The following TAFA4 variants were observed in gnomAD, a reference collection of about 807,000 sequenced individuals.
The protein encoded by TAFA4 is chemokine-like protein TAFA-4.
In TAFA4, 20 loss-of-function variants were observed where a neutral mutation model predicts 21.1. The observed-to-expected ratio is 0.95, with a 90% CI of 0.67 to 1.38. The LOEUF (loss-of-function observed/expected upper bound fraction) is 1.38, where lower values mean the gene tolerates loss of function less well. Ranked by LOEUF, TAFA4 falls within the 40% of genes most tolerant of loss-of-function variation. The probability of loss-of-function intolerance (pLI) is 0.00; values close to 1 mark genes in which losing one functional copy is unlikely to be tolerated. For missense variants in TAFA4, 211 were observed against 180.9 expected (o/e 1.17, Z -0.95); for synonymous variants, 71 against 67.4 (o/e 1.05, Z -0.26).
intron 3 of TAFA4, among the ~76,000 whole-genome samples, chr3:68,755,579 C>A (rs1263449321): frequency 1.3e-5 from 2 of 152,214 alleles, no homozygotes; most frequent in African/African-American, 4.8e-5. Context: ...CCCCTTCCCA[C>A]ATGGCACCAG....
At chr3:68,930,259 G>T (rs1477147169) in intron 1 of TAFA4, among the ~76,000 whole-genome samples, 1 of 151,136 alleles carries the variant, frequency 6.6e-6, no homozygotes, top group African/African-American at 2.4e-5. Context: ...ATATAAAAAT[G>T]GTTGCCTTCA....
At chr3:68,737,527 T>A (rs1436298892) in intron 5 of TAFA4, among the ~76,000 whole-genome samples, 1 of 152,144 alleles carries the variant, frequency 6.6e-6, no homozygotes, top group Non-Finnish European at 1.5e-5. Context: ...AATGGTCTGG[T>A]TTTACCTAGA....
intron 1 of TAFA4, among the ~76,000 whole-genome samples, chr3:68,926,403 G>C (rs1348680131): frequency 6.6e-6 from 1 of 151,936 alleles, no homozygotes; most frequent in Admixed American, 6.6e-5. Flanking sequence ...TCTACCCCAG[G>C]TATGTACTAT....
At position 68,752,930 on chromosome 3, in the gene TAFA4, C is replaced by G; in HGVS notation, c.219G>C (p.Thr73=). Residue 73 remains threonine (T), a synonymous_variant, in exon 4 of 6, where the codon ACG becomes ACC. Coordinates refer to ENST00000295569, the MANE Select transcript of TAFA4 (RefSeq NM_182522.5). ...GTCCCGGGAAGCAAGAGCACTTGAC[C>G]GTTTGTGACCGCTCTTCTATGCGGT... The part of the protein sequence containing the change: ...NKNRIEERSQ[T]VKCSCFPGQV... 1 of 1,614,026 alleles carries G rather than the reference C, an allele frequency of 6.2e-7. No homozygotes were observed. Among genetic ancestry groups the G allele is most frequent in the Non-Finnish European group, 8.5e-7 (1 of 1,180,026 alleles).
chr3:68,923,298 T>C (rs1264746220), intron 1 of TAFA4, among the ~76,000 whole-genome samples: 1 of 152,164 alleles, frequency 6.6e-6, no homozygotes, highest in Non-Finnish European at 1.5e-5. Context: ...ACAAAACTGA[T>C]CAATTGTTAA....
chr3:68,926,255 T>C (rs539610179), intron 1 of TAFA4, among the ~76,000 whole-genome samples: 48 of 151,082 alleles, frequency 3.2e-4, no homozygotes, highest in African/African-American at 1.0e-3. Context: ...GGTCTAAATA[T>C]ATGTGAATAA....
At chr3:68,927,702 C>T (rs1239842198) in intron 1 of TAFA4, among the ~76,000 whole-genome samples, 1 of 151,844 alleles carries the variant, frequency 6.6e-6, no homozygotes, top group South Asian at 2.1e-4. Flanking sequence ...AGTTCGACAC[C>T]AGCCTGGGGA....
At chr3:68,919,880 G>A (rs916815329) in intron 1 of TAFA4, among the ~76,000 whole-genome samples, 10 of 152,116 alleles carry the variant, frequency 6.6e-5, no homozygotes, top group African/African-American at 1.7e-4. Context: ...ACATTCCCAA[G>A]CCACTAGTGC....
intron 1 of TAFA4, among the ~76,000 whole-genome samples, chr3:68,889,148 A>AT: frequency 6.6e-6 from 1 of 152,272 alleles, no homozygotes; most frequent in African/African-American, 2.4e-5. Context: ...GACTAAGAGA[A>AT]TTTTTTTAGA....
chr3:68,885,223 GAT>G lies in TAFA4; in HGVS notation c.-37_-36del. Reference sequence around the variant, plus strand: ...TTCTAGTCAAACACACTTATTCCAGGATATATTTCAGAGTGACTCCAAATTCC... The same window carrying G: ...TTCTAGTCAAACACACTTATTCCAGGATATTTCAGAGTGACTCCAAATTCC... On this transcript the variant is annotated 5_prime_UTR_variant, in exon 2 of 6. The change abolishes the stop of an existing upstream ORF in the 5' untranslated region. Transcript: ENST00000295569. 1 of 1,606,494 alleles carries G rather than the reference GAT, an allele frequency of 6.2e-7. No individual in the cohort carries two copies. Among genetic ancestry groups the G allele is most frequent in the Non-Finnish European group, 8.5e-7 (1 of 1,176,402 alleles).
At chr3:68,776,477 T>C (rs986689612) in intron 3 of TAFA4, among the ~76,000 whole-genome samples, 1 of 152,296 alleles carries the variant, frequency 6.6e-6, no homozygotes, top group South Asian at 2.1e-4. Context: ...ATAGAAAGCC[T>C]GAAAGTGTAT....
At chr3:68,910,116 C>T (rs1012393488) in intron 1 of TAFA4, among the ~76,000 whole-genome samples, 1 of 152,234 alleles carries the variant, frequency 6.6e-6, no homozygotes, top group African/African-American at 2.4e-5. Context: ...ATCATAGAGT[C>T]TCTAGAGCTA....
At chr3:68,745,553 C>A (rs1375383091) in intron 4 of TAFA4, among the ~76,000 whole-genome samples, 1 of 152,174 alleles carries the variant, frequency 6.6e-6, no homozygotes, top group Non-Finnish European at 1.5e-5. Context: ...GACAGTGACG[C>A]CCTCCCTGGT....
intron 1 of TAFA4, among the ~76,000 whole-genome samples, chr3:68,897,670 T>C (rs1387214301): frequency 6.6e-6 from 1 of 152,072 alleles, no homozygotes; most frequent in Non-Finnish European, 1.5e-5. Flanking sequence ...CTCATTTCAA[T>C]GATTATTCTT....
intron 3 of TAFA4, among the ~76,000 whole-genome samples, chr3:68,820,840 A>C (rs1247154969): frequency 6.6e-6 from 1 of 152,228 alleles, no homozygotes; most frequent in Non-Finnish European, 1.5e-5. Flanking sequence ...TTTACTTGTC[A>C]ATTAAAAAAA....
chr3:68,777,495 A>T (rs1209869155), intron 3 of TAFA4, among the ~76,000 whole-genome samples: 1 of 152,140 alleles, frequency 6.6e-6, no homozygotes, highest in Non-Finnish European at 1.5e-5. Flanking sequence ...TTAATTAAAA[A>T]TTTAAATTTA....
chr3:68,819,127 G>T (rs34903671), intron 3 of TAFA4, among the ~76,000 whole-genome samples: 4,230 of 152,168 alleles, frequency 0.028, 226 homozygotes, highest in East Asian at 0.23. Flanking sequence ...GCAAAAATCA[G>T]CTGGCATGGT....
chr3:68,871,493 G>A (rs72628616), intron 3 of TAFA4, among the ~76,000 whole-genome samples: 24,153 of 151,970 alleles, frequency 0.16, 3,130 homozygotes, highest in East Asian at 0.62. Flanking sequence ...CAAAAACTGG[G>A]GAAATGCTTC....
At chr3:68,796,997 G>T (rs148220173) in intron 3 of TAFA4, among the ~76,000 whole-genome samples, 56 of 152,222 alleles carry the variant, frequency 3.7e-4, no homozygotes, top group African/African-American at 1.3e-3. Flanking sequence ...ATAGAAAATA[G>T]CAAGTGTTGT....
Sources: allele counts gnomAD v4.1 joint callset (sites outside exome capture counted in the v4.1 genomes callset), GRCh38; gene constraint gnomAD v4.1.1; transcripts MANE v1.5; gene names NCBI Gene and HGNC (gene_info 2026-07-23, HGNC 2026-07-21).